The following BNC2 variants were observed in gnomAD, a reference collection of about 807,000 sequenced individuals.
BNC2 encodes the protein basonuclin zinc finger protein 2.
In BNC2, 20 loss-of-function variants were observed where a neutral mutation model predicts 76.3. The observed-to-expected ratio is 0.26, with a 90% confidence interval of 0.18 to 0.38. BNC2 has a LOEUF of 0.38. Ranked by LOEUF, BNC2 falls within the 10% of genes least tolerant of loss-of-function variation. BNC2 has a pLI of 1.00. For synonymous variants in BNC2, 582 were observed against 514.8 expected, an observed-to-expected ratio of 1.13 and a Z score of -1.77; for missense variants, 1,382 against 1,399.8, an observed-to-expected ratio of 0.99 and a Z score of 0.20.
intron 4 of BNC2, among the ~76,000 whole-genome samples, chr9:16,563,438 GCGAAA>G (rs1819074179): frequency 6.6e-6 from 1 of 151,570 alleles, no homozygotes; most frequent in African/African-American, 2.4e-5. Flanking sequence ...GGCCAACAGA[GCGAAA>G]CCCTGTATCT....
At chr9:16,764,737 C>CT (rs1554725405) in intron 1 of BNC2, among the ~76,000 whole-genome samples, 4 of 31,498 alleles carry the variant, frequency 1.3e-4, no homozygotes, top group South Asian at 9.2e-4. Context: ...ACTTATTTGT[C>CT]TGTTTTTTTT....
intron 1 of BNC2, among the ~76,000 whole-genome samples, chr9:16,799,759 A>G (rs1279367317): frequency 6.6e-6 from 1 of 152,234 alleles, no homozygotes; most frequent in Non-Finnish European, 1.5e-5. Context: ...CTTCTACTGG[A>G]ACACCCACAA....
At chr9:16,727,666 A>C in intron 3 of BNC2, 131 bp downstream of exon 3, 11 of 753,682 alleles carry the variant, frequency 1.5e-5, no homozygotes, top group Admixed American at 2.8e-5. Flanking sequence ...TGACAAAACA[A>C]GAGCCTAACT....
chr9:16,556,739 G>C (rs578074946), intron 4 of BNC2, among the ~76,000 whole-genome samples: 93 of 150,356 alleles, frequency 6.2e-4, no homozygotes, highest in Non-Finnish European at 6.9e-4. Flanking sequence ...CTGCACTCCA[G>C]CCTGGCGACA....
chr9:16,803,632 A>G (rs1326681268), intron 1 of BNC2, among the ~76,000 whole-genome samples: 1 of 152,254 alleles, frequency 6.6e-6, no homozygotes, highest in Non-Finnish European at 1.5e-5. Context: ...CTTTGCACTC[A>G]GTAAATGTTC....
At chr9:16,565,761 T>C (rs1819148266) in intron 4 of BNC2, among the ~76,000 whole-genome samples, 1 of 151,626 alleles carries the variant, frequency 6.6e-6, no homozygotes, top group African/African-American at 2.4e-5. Context: ...TGAGCCAAGA[T>C]TGCGCCACTG....
At chr9:16,818,662 T>C (rs897826388) in intron 1 of BNC2, among the ~76,000 whole-genome samples, 2 of 152,274 alleles carry the variant, frequency 1.3e-5, no homozygotes, top group East Asian at 1.9e-4. Context: ...ACTAGATCTA[T>C]GAATTTTAAT....
intron 3 of BNC2, among the ~76,000 whole-genome samples, chr9:16,638,814 C>A (rs370968104): frequency 6.6e-6 from 1 of 152,102 alleles, no homozygotes; most frequent in Non-Finnish European, 1.5e-5. Flanking sequence ...AAAATTGAGT[C>A]TCTTTCTAAA....
chr9:16,721,057 G>C (rs1824141177), intron 3 of BNC2, among the ~76,000 whole-genome samples: 1 of 152,056 alleles, frequency 6.6e-6, no homozygotes, highest in Non-Finnish European at 1.5e-5. Context: ...TTTAAACCTG[G>C]GGAGAAAGAT....
chr9:16,832,347 C>T (rs1211077469), intron 1 of BNC2: 1 of 1,255,272 alleles, frequency 8.0e-7, no homozygotes, highest in East Asian at 5.7e-5. Flanking sequence ...GAAAACCAGG[C>T]AATCTGTGAA....
intron 5 of BNC2, among the ~76,000 whole-genome samples, chr9:16,511,648 T>C (rs1822759263): frequency 6.6e-6 from 1 of 152,022 alleles, no homozygotes; most frequent in Non-Finnish European, 1.5e-5. Flanking sequence ...AGGCAGGTCT[T>C]GAACTTCTGA....
intron 3 of BNC2, among the ~76,000 whole-genome samples, chr9:16,706,212 ACT>A (rs1823668875): frequency 6.6e-6 from 1 of 152,180 alleles, no homozygotes; most frequent in African/African-American, 2.4e-5. Flanking sequence ...TTCTTCTACC[ACT>A]GATTCTCCTA....
At chr9:16,842,155 C>T (rs938182845) in intron 1 of BNC2, among the ~76,000 whole-genome samples, 1 of 152,138 alleles carries the variant, frequency 6.6e-6, no homozygotes, top group Non-Finnish European at 1.5e-5. Context: ...TTTGAAGCTG[C>T]TTTGCCTTAT....
At chr9:16,818,222 G>A (rs1357930928) in intron 1 of BNC2, among the ~76,000 whole-genome samples, 1 of 152,134 alleles carries the variant, frequency 6.6e-6, no homozygotes, top group Non-Finnish European at 1.5e-5. Context: ...GGGTAACACG[G>A]TGAAACCCCG....
intron 1 of BNC2, among the ~76,000 whole-genome samples, chr9:16,810,766 C>G (rs1818027318): frequency 6.6e-6 from 1 of 152,168 alleles, no homozygotes; most frequent in South Asian, 2.1e-4. Flanking sequence ...AGCCGCTAGC[C>G]AGATACCCTA....
intron 3 of BNC2, chr9:16,665,104 C>G (rs1416700475): frequency 2.2e-6 from 1 of 455,858 alleles, no homozygotes; most frequent in Non-Finnish European, 4.4e-6. Context: ...TGCAGTGGCT[C>G]ACGCCTGTAA....
chr9:16,431,982 C>T (rs1010252302), intron 6 of BNC2, among the ~76,000 whole-genome samples: 11 of 152,334 alleles, frequency 7.2e-5, no homozygotes, highest in African/African-American at 2.6e-4. Flanking sequence ...TGGACCAGTA[C>T]TAGTCTGCAG....
intron 1 of BNC2, among the ~76,000 whole-genome samples, chr9:16,809,350 A>G (rs1483665893): frequency 6.6e-6 from 1 of 152,018 alleles, no homozygotes; most frequent in Admixed American, 6.6e-5. Context: ...CAGAAAGCTC[A>G]ATTTTTTTTT....
At chr9:16,636,082 A>C (rs961571461) in intron 3 of BNC2, among the ~76,000 whole-genome samples, 1 of 152,226 alleles carries the variant, frequency 6.6e-6, no homozygotes, top group Non-Finnish European at 1.5e-5. Context: ...AATCTTAGGA[A>C]TGTTCCTTGG....
Sources: allele counts gnomAD v4.1 joint callset (sites outside exome capture counted in the v4.1 genomes callset), GRCh38; gene constraint gnomAD v4.1.1; transcripts MANE v1.5; gene names NCBI Gene and HGNC (gene_info 2026-07-23, HGNC 2026-07-21).